Variants in PICALM observed in about 807,000 individuals in gnomAD.
The protein encoded by PICALM is phosphatidylinositol binding clathrin assembly protein, also known as phosphatidylinositol-binding clathrin assembly protein.
In PICALM, 40 loss-of-function variants were observed where a neutral mutation model predicts 80.5. The observed-to-expected ratio is 0.50, with a 90% CI of 0.39 to 0.65. The LOEUF (loss-of-function observed/expected upper bound fraction) is 0.65, where lower values mean the gene tolerates loss of function less well. Among genes scored for constraint, PICALM ranks in the 30% least tolerant of loss-of-function variants. PICALM has a pLI of 0.00. For synonymous variants in PICALM, 288 were observed against 260.3 expected (o/e 1.11, Z -1.02); for missense variants, 676 against 778.9 (o/e 0.87, Z 1.57).
chr11:85,978,253 T>C (rs553539230), intron 17 of PICALM: 2 of 611,928 alleles, frequency 3.3e-6, no homozygotes, highest in South Asian at 3.9e-5. Context: ...AGAACATCTA[T>C]ACTAAAACAC....
chr11:85,981,050 T>C (rs970048787), intron 17 of PICALM, 79 bp downstream of exon 17: 3 of 743,140 alleles, frequency 4.0e-6, no homozygotes, highest in Non-Finnish European at 4.8e-6. Context: ...TTTATGTCTA[T>C]CACTTTAAAA....
At chr11:86,023,688 C>G in intron 3 of PICALM, 2 of 430,338 alleles carry the variant, frequency 4.6e-6, no homozygotes, top group Non-Finnish European at 6.2e-6. Context: ...TGCTCTGCAT[C>G]TTGTTTTCCA....
chr11:86,046,318 T>A (rs1472261217), intron 1 of PICALM, among the ~76,000 whole-genome samples: 1 of 152,220 alleles, frequency 6.6e-6, no homozygotes, highest in East Asian at 1.9e-4. Flanking sequence ...AAATTCGAGA[T>A]TCATGATTCA....
At chr11:86,059,668 A>G (rs2096325927) in intron 1 of PICALM, among the ~76,000 whole-genome samples, 1 of 152,168 alleles carries the variant, frequency 6.6e-6, no homozygotes, top group African/African-American at 2.4e-5. Flanking sequence ...AGGCTGAGGC[A>G]AGAGAATCCC....
chr11:85,993,456 T>G (rs1443219272), intron 12 of PICALM, among the ~76,000 whole-genome samples: 1 of 152,124 alleles, frequency 6.6e-6, no homozygotes, highest in Non-Finnish European at 1.5e-5. Flanking sequence ...TTCATTTTTT[T>G]GAGACAGAGG....
At chr11:86,066,183 G>T (rs2096445221) in intron 1 of PICALM, among the ~76,000 whole-genome samples, 1 of 152,164 alleles carries the variant, frequency 6.6e-6, no homozygotes, top group Non-Finnish European at 1.5e-5. Flanking sequence ...CTCAAAGCAT[G>T]TTAGTGTGTG....
At chr11:86,061,453 G>A (rs1424367456) in intron 1 of PICALM, among the ~76,000 whole-genome samples, 6 of 151,454 alleles carry the variant, frequency 4.0e-5, no homozygotes, top group African/African-American at 1.5e-4. Context: ...TTAAGAACAG[G>A]ACAATGACCT....
chr11:86,057,012 G>A (rs369101232), intron 1 of PICALM, among the ~76,000 whole-genome samples: 1 of 152,162 alleles, frequency 6.6e-6, no homozygotes, highest in African/African-American at 2.4e-5. Flanking sequence ...GGGCCGAGGA[G>A]AGCTTAGGAG....
chr11:85,978,171 C>G (rs183128872), intron 17 of PICALM: 19 of 1,220,860 alleles, frequency 1.6e-5, no homozygotes, highest in Non-Finnish European at 2.1e-5. Context: ...AGAAAATACA[C>G]AGAGAGCATT....
chr11:85,996,691 A>G, intron 12 of PICALM, 135 bp downstream of exon 12: 1 of 575,424 alleles, frequency 1.7e-6, no homozygotes, highest in Non-Finnish European at 3.1e-6. Context: ...AAGGGATAAA[A>G]TTGCTTCATT....
At chr11:86,024,349 C>T (rs1593046167) in intron 3 of PICALM, among the ~76,000 whole-genome samples, 1 of 150,706 alleles carries the variant, frequency 6.6e-6, no homozygotes, top group Non-Finnish European at 1.5e-5. Context: ...TTAAGCAATA[C>T]CTGCACTTAC....
chr11:86,015,031 C>A (rs2095458145), intron 4 of PICALM, 68 bp from the exon 5 acceptor site: 3 of 914,782 alleles, frequency 3.3e-6, no homozygotes, highest in Non-Finnish European at 5.0e-6. Context: ...AAACTCCCCC[C>A]CTGGTTTTCT....
rs2093571106 is a variant in PICALM, at chr11:85,957,788, C to T, written c.*1258G>A. ...CTGCAGAGACAATGCAACAAGAATGCTTAAACTCATGTACAGAATTGCTTT... is the reference window on the plus strand; with the variant it reads ...CTGCAGAGACAATGCAACAAGAATGTTTAAACTCATGTACAGAATTGCTTT... On this transcript the variant is annotated 3_prime_UTR_variant, in exon 20 of 20. Coordinates refer to ENST00000393346, the MANE Select transcript of PICALM (RefSeq NM_007166.4). 1 of 218,704 alleles carries T rather than the reference C, an allele frequency of 4.6e-6. No homozygotes were observed. The highest frequency in any genetic ancestry group is 5.8e-5 in the Admixed American group (1 of 17,242). 13.5% of individuals were successfully genotyped at this position (218,704 alleles called of 1,614,324 possible).
intron 7 of PICALM, among the ~76,000 whole-genome samples, chr11:86,008,874 C>T (rs1324367196): frequency 1.4e-5 from 2 of 139,002 alleles, no homozygotes; most frequent in East Asian, 4.4e-4. Flanking sequence ...GGGAGGATAG[C>T]TTGAGCCCAG....
intron 1 of PICALM, among the ~76,000 whole-genome samples, chr11:86,035,788 AAAC>A (rs2095831158): frequency 6.6e-6 from 1 of 151,592 alleles, no homozygotes; most frequent in African/African-American, 2.4e-5. Context: ...ACTAAAAAAA[AAAC>A]ACAAAAATTA....
At chr11:86,013,818 CT>C (rs770196905) in intron 5 of PICALM, among the ~76,000 whole-genome samples, 8 of 152,134 alleles carry the variant, frequency 5.3e-5, no homozygotes, top group Admixed American at 1.3e-4. Flanking sequence ...ATATTTTAGA[CT>C]GTGGGCCACA....
intron 13 of PICALM, among the ~76,000 whole-genome samples, chr11:85,986,789 T>C (rs1001973028): frequency 6.6e-6 from 1 of 152,150 alleles, no homozygotes; most frequent in Non-Finnish European, 1.5e-5. Flanking sequence ...CACACACACA[T>C]ACACGCGTGC....
intron 12 of PICALM, among the ~76,000 whole-genome samples, chr11:85,996,384 C>T (rs1297132171): frequency 1.3e-5 from 2 of 151,898 alleles, no homozygotes; most frequent in African/African-American, 4.8e-5. Flanking sequence ...ATTATGGTCA[C>T]AACATGTTCC....
At chr11:86,062,157 T>C (rs2137722841) in intron 1 of PICALM, among the ~76,000 whole-genome samples, 1 of 152,198 alleles carries the variant, frequency 6.6e-6, no homozygotes, top group South Asian at 2.1e-4. Context: ...CAGATAAACA[T>C]TGTACCGCTA....
Sources: gnomAD v4.1 joint callset for allele counts (sites outside exome capture counted in the v4.1 genomes callset) on GRCh38, gnomAD v4.1.1 for gene constraint, MANE v1.5 for transcripts, NCBI Gene and HGNC (gene_info 2026-07-23, HGNC 2026-07-21) for gene names.